TMEM182: variants seen among roughly 807,000 people sequenced by gnomAD.
TMEM182 encodes the protein transmembrane protein 182.
A neutral mutation model predicts 26.8 loss-of-function variants in TMEM182; 20 were observed. That is an observed-to-expected ratio of 0.75 (90% CI 0.53 to 1.09). The LOEUF is 1.09. TMEM182 is among the 50% of genes least tolerant of loss of function. The probability of loss-of-function intolerance (pLI) is 0.00; values close to 1 mark genes in which losing one functional copy is unlikely to be tolerated. For synonymous variants in TMEM182, 109 were observed against 102.2 expected, an observed-to-expected ratio of 1.07 and a Z score of -0.40; for missense variants, 277 against 275.5, an observed-to-expected ratio of 1.01 and a Z score of -0.04.
chr2:102,794,921 A>G (rs1358630204), intron 3 of TMEM182, among the ~76,000 whole-genome samples: 5 of 152,178 alleles, frequency 3.3e-5, no homozygotes, highest in Admixed American at 1.3e-4. Context: ...TAGGACTCCA[A>G]TGACACAAAT....
chr2:102,828,187 C>G (rs1683076094), intron 3 of TMEM182, among the ~76,000 whole-genome samples: 1 of 152,122 alleles, frequency 6.6e-6, no homozygotes, highest in East Asian at 1.9e-4. Flanking sequence ...GGACATGGCT[C>G]TCTGTAGTTA....
At chr2:102,751,618 A>G (rs1023072506) in intron 1 of TMEM182, among the ~76,000 whole-genome samples, 1 of 152,148 alleles carries the variant, frequency 6.6e-6, no homozygotes, top group Non-Finnish European at 1.5e-5. Flanking sequence ...AAACCTTACC[A>G]AGGACTTTCC....
chr2:102,835,653 A>G (rs1358327107), intron 3 of TMEM182, among the ~76,000 whole-genome samples: 4 of 152,078 alleles, frequency 2.6e-5, no homozygotes, highest in African/African-American at 7.2e-5. Context: ...CACCATTTTT[A>G]TAGCTTTGTG....
At chr2:102,810,793 C>T (rs893912502) in intron 4 of TMEM182, among the ~76,000 whole-genome samples, 1 of 151,950 alleles carries the variant, frequency 6.6e-6, no homozygotes, top group African/African-American at 2.4e-5. Context: ...AAATGTATGA[C>T]CAAATTTAAA....
At chr2:102,740,221 G>A (rs2104625320) in intron 1 of TMEM182, among the ~76,000 whole-genome samples, 1 of 152,202 alleles carries the variant, frequency 6.6e-6, no homozygotes, top group South Asian at 2.1e-4. Context: ...ATATGTTTTG[G>A]CTTTGTGTTC....
intron 3 of TMEM182, among the ~76,000 whole-genome samples, chr2:102,765,009 A>T (rs1482557448): frequency 6.6e-6 from 1 of 152,130 alleles, no homozygotes; most frequent in Non-Finnish European, 1.5e-5. Context: ...GTTGATACAG[A>T]CTATCAATGT....
chr2:102,804,019 A>T (rs368060580), intron 4 of TMEM182, among the ~76,000 whole-genome samples: 2 of 152,210 alleles, frequency 1.3e-5, no homozygotes, highest in African/African-American at 4.8e-5. Context: ...CCTGTGAGAG[A>T]TCTGGGCTAT....
intron 3 of TMEM182, among the ~76,000 whole-genome samples, chr2:102,824,648 C>T (rs930354486): frequency 6.6e-6 from 1 of 152,024 alleles, no homozygotes; most frequent in African/African-American, 2.4e-5. Context: ...CACAGTGAAA[C>T]CCCGTGTCTA....
At chr2:102,797,056 C>G (rs981534635) in intron 3 of TMEM182, among the ~76,000 whole-genome samples, 4 of 152,142 alleles carry the variant, frequency 2.6e-5, no homozygotes, top group African/African-American at 9.7e-5. Flanking sequence ...CAAAAATGAT[C>G]GTTAGAATTC....
intron 1 of TMEM182, among the ~76,000 whole-genome samples, chr2:102,742,783 A>G (rs1679580861): frequency 6.6e-6 from 1 of 152,176 alleles, no homozygotes; most frequent in Non-Finnish European, 1.5e-5. Flanking sequence ...TTAGTAGAAA[A>G]ACTCCACCAA....
chr2:102,812,384 TACACACACAC>T (rs61175945), intron 4 of TMEM182, among the ~76,000 whole-genome samples: 3,175 of 143,266 alleles, frequency 0.022, 97 homozygotes, highest in African/African-American at 0.071. Flanking sequence ...TCTACACATG[TACACACACAC>T]ACACACACAC....
At chr2:102,764,107 G>A (rs1338771089) in intron 2 of TMEM182, among the ~76,000 whole-genome samples, 7 of 152,162 alleles carry the variant, frequency 4.6e-5, no homozygotes, top group Non-Finnish European at 8.8e-5. Flanking sequence ...ATTATGTCAT[G>A]TAGCTAGATG....
At chr2:102,800,755 A>T (rs1682086752) in intron 4 of TMEM182, among the ~76,000 whole-genome samples, 1 of 150,996 alleles carries the variant, frequency 6.6e-6, no homozygotes. Flanking sequence ...TTTTAAACTC[A>T]GAACTGCTTT....
chr2:102,738,164 T>G (rs1679417612), intron 1 of TMEM182, among the ~76,000 whole-genome samples: 2 of 152,174 alleles, frequency 1.3e-5, no homozygotes, highest in Admixed American at 1.3e-4. Flanking sequence ...GAAAGGCGCC[T>G]TGAAAGGGCT....
At chr2:102,807,865 T>A (rs1682405196) in intron 4 of TMEM182, among the ~76,000 whole-genome samples, 1 of 152,226 alleles carries the variant, frequency 6.6e-6, no homozygotes, top group South Asian at 2.1e-4. Context: ...TTTGCAAATA[T>A]TGTAGCATTT....
intron 4 of TMEM182, among the ~76,000 whole-genome samples, chr2:102,805,396 T>G (rs898620613): frequency 2.6e-5 from 4 of 152,302 alleles, no homozygotes; most frequent in Non-Finnish European, 5.9e-5. Flanking sequence ...GCCATTTCTT[T>G]GGAGAGAGCC....
At chr2:102,742,763 A>G (rs1679580152) in intron 1 of TMEM182, among the ~76,000 whole-genome samples, 1 of 152,220 alleles carries the variant, frequency 6.6e-6, no homozygotes, top group South Asian at 2.1e-4. Flanking sequence ...GTAGTGAGAT[A>G]TTTAAAGTGT....
At chr2:102,767,871 T>G (rs1349133419) in intron 3 of TMEM182, among the ~76,000 whole-genome samples, 1 of 152,214 alleles carries the variant, frequency 6.6e-6, no homozygotes, top group Non-Finnish European at 1.5e-5. Flanking sequence ...TATATACTTA[T>G]GGGGGTGAGC....
At chr2:102,780,387 G>T (rs1490388482) in intron 3 of TMEM182, among the ~76,000 whole-genome samples, 1 of 152,120 alleles carries the variant, frequency 6.6e-6, no homozygotes, top group East Asian at 1.9e-4. Context: ...CTGAGTGCTA[G>T]TGAGGGTTCT....
Sources: allele counts gnomAD v4.1 joint callset (sites outside exome capture counted in the v4.1 genomes callset), GRCh38; gene constraint gnomAD v4.1.1; transcripts MANE v1.5; gene names NCBI Gene and HGNC (gene_info 2026-07-23, HGNC 2026-07-21).